XRN1: variants seen among roughly 807,000 people sequenced by gnomAD.
XRN1 encodes 5'-3' exoribonuclease 1.
XRN1 carries 67 observed loss-of-function variants against 222.3 expected under a neutral mutation model. The observed-to-expected ratio is 0.30, with a 90% CI of 0.25 to 0.37. XRN1 has a LOEUF of 0.37. Among genes scored for constraint, XRN1 ranks in the 10% least tolerant of loss-of-function variants. The pLI, the probability that XRN1 is intolerant of heterozygous loss-of-function variation, is 1.00. For synonymous variants in XRN1, 643 were observed against 652.4 expected (o/e 0.99, Z 0.22); for missense variants, 1,707 against 2,000.2 (o/e 0.85, Z 2.80).
At chr3:142,416,720 TG>T (rs2068803029) in intron 13 of XRN1, among the ~76,000 whole-genome samples, 2 of 152,126 alleles carry the variant, frequency 1.3e-5, no homozygotes, top group African/African-American at 4.8e-5. Flanking sequence ...CCTGGTTGTA[TG>T]GAACTTTTAA....
At chr3:142,436,346 G>T (rs1182248456) in intron 1 of XRN1, among the ~76,000 whole-genome samples, 1 of 152,126 alleles carries the variant, frequency 6.6e-6, no homozygotes, top group Non-Finnish European at 1.5e-5. Context: ...GGCTAAATAT[G>T]TATATTCATT....
At chr3:142,433,795 T>C (rs1478324581) in intron 1 of XRN1, among the ~76,000 whole-genome samples, 3 of 152,200 alleles carry the variant, frequency 2.0e-5, no homozygotes, top group South Asian at 2.1e-4. Context: ...ATAAACATAA[T>C]AGAAATCACT....
intron 37 of XRN1, among the ~76,000 whole-genome samples, chr3:142,319,766 CTTTCTG>C (rs1455467674): frequency 6.6e-6 from 1 of 152,092 alleles, no homozygotes; most frequent in East Asian, 1.9e-4. Flanking sequence ...TGATATCTGA[CTTTCTG>C]TTTCTGAATT....
At position 142,319,598 on chromosome 3, in the gene XRN1, C is replaced by G. The variant is rs188384917; in HGVS notation, c.4405-695G>C. 2.0e-5 allele frequency among the ~76,000 whole-genome samples: 3 copies of G among 152,116 alleles called. No homozygotes were observed. The East Asian group carries it at 5.8e-4, about 29-fold the overall frequency. Reference sequence around the variant, plus strand: ...ATACTACATAGTGGTGAAGTATGGACTTTAGTGTACCCATTGCCTGATTAG... The same window carrying G: ...ATACTACATAGTGGTGAAGTATGGAGTTTAGTGTACCCATTGCCTGATTAG... On this transcript the variant is annotated intron_variant, in intron 37 of 40. Transcript: ENST00000392981.
chr3:142,423,516 C>A, intron 6 of XRN1, 44 bp downstream of exon 6: 1 of 1,447,110 alleles, frequency 6.9e-7, no homozygotes, highest in Non-Finnish European at 9.4e-7. Flanking sequence ...AATTACTATC[C>A]AGGCGTAATT....
chr3:142,443,771 T>C (rs762191585), intron 1 of XRN1, among the ~76,000 whole-genome samples: 9 of 152,250 alleles, frequency 5.9e-5, no homozygotes, highest in Non-Finnish European at 1.0e-4. Flanking sequence ...ATCGCAGATA[T>C]CTGCACTCCT....
rs1485929984 is a variant in XRN1 at position 142,426,803 on chromosome 3, A to G, written c.347T>C (p.Ile116Thr). ...KEAEDKIKKA[I>T]EKGETLPTEA... ...TGTAGGAAGAGTTTCTCCCTTCTCTATTGCCTTTTTAATTTTGTCTTCTGC... is the reference window on the plus strand; with the variant it reads ...TGTAGGAAGAGTTTCTCCCTTCTCTGTTGCCTTTTTAATTTTGTCTTCTGC... Residue 116 changes from isoleucine to threonine, a missense_variant, in exon 3 of 41, where the codon ATA (isoleucine) becomes ACA (threonine). Around this residue, in one of 2 missense-constraint regions of XRN1, gnomAD observed 1,234 missense variants for 1,518.2 expected, o/e 0.81. Transcript: ENST00000392981. 2.5e-6 allele frequency: 4 copies of G among 1,613,706 alleles called. No individual in the cohort carries two copies. The highest frequency in any genetic ancestry group is 3.4e-6 in the Non-Finnish European group (4 of 1,179,920).
At chr3:142,323,793 A>G (rs1183013933) in intron 37 of XRN1, among the ~76,000 whole-genome samples, 1 of 151,992 alleles carries the variant, frequency 6.6e-6, no homozygotes, top group African/African-American at 2.4e-5. Context: ...ATGACACCCC[A>G]TCTCTTTAAA....
At chr3:142,332,630 C>G in intron 35 of XRN1, 96 bp from the exon 36 acceptor site, 1 of 1,182,534 alleles carries the variant, frequency 8.5e-7, no homozygotes, top group Non-Finnish European at 1.1e-6. Context: ...GGAAAGAATT[C>G]CATTGTTAAC....
chr3:142,397,557 T>C (rs779043545), intron 19 of XRN1, 97 bp from the exon 20 acceptor site: 31 of 1,040,082 alleles, frequency 3.0e-5, no homozygotes, highest in Non-Finnish European at 3.6e-5. Flanking sequence ...TTTTTTCACA[T>C]GGTATACTAG....
chr3:142,344,667 G>A (rs922614879), intron 33 of XRN1, among the ~76,000 whole-genome samples: 3 of 151,972 alleles, frequency 2.0e-5, no homozygotes, highest in Non-Finnish European at 2.9e-5. Flanking sequence ...ATGAAAAAGA[G>A]TAAAATATTT....
chr3:142,389,395 G>A (rs1259051294), intron 20 of XRN1, among the ~76,000 whole-genome samples: 3 of 152,030 alleles, frequency 2.0e-5, no homozygotes, highest in South Asian at 2.1e-4. Flanking sequence ...TAGGAGGGTC[G>A]GAATCAACTT....
At position 142,348,628 on chromosome 3, in the gene XRN1, T is replaced by C. The variant is rs112999207; in HGVS notation, c.3769-1286A>G. Among the ~76,000 whole-genome samples the C allele has an allele frequency of 5.1e-3, 778 of 152,240 alleles. 9 individuals carry two copies. The highest frequency in any genetic ancestry group is 0.018 in the African/African-American group (756 of 41,540). The stretch of plus-strand genomic sequence containing the variant: ...TTTCACCGTTTTGCTTTTGGTAGGC[T>C]CTATTTACTTTCTTATCAGCACAGA... On this transcript the variant is annotated intron_variant, in intron 32 of 40. Coordinates refer to ENST00000392981, the MANE Select transcript of XRN1 (RefSeq NM_001282857.2).
Position 142,443,180 on chromosome 3 carries a change from C to T in XRN1, c.75+4690G>A, listed in dbSNP as rs533891853. ...CCCTGGACCGGCCTGTTAGCCCATG[C>T]GCTGATGTTAATGACATCAAAGGCA... On this transcript the variant is annotated intron_variant, in intron 1 of 40. Coordinates refer to ENST00000392981, the MANE Select transcript of XRN1 (RefSeq NM_001282857.2). Among the ~76,000 whole-genome samples the T allele has an allele frequency of 4.6e-5, 7 of 152,286 alleles. No homozygotes were observed. The East Asian group carries it at 9.6e-4, about 21-fold the overall frequency.
chr3:142,350,143 T>C (rs1577267330), intron 32 of XRN1, among the ~76,000 whole-genome samples: 2 of 152,244 alleles, frequency 1.3e-5, no homozygotes, highest in South Asian at 2.1e-4. Flanking sequence ...AGACATTAGT[T>C]TGAGGAGTTG....
At chr3:142,333,953 G>A (rs1322130853) in intron 34 of XRN1, among the ~76,000 whole-genome samples, 1 of 152,148 alleles carries the variant, frequency 6.6e-6, no homozygotes, top group East Asian at 1.9e-4. Flanking sequence ...TTCCAGAGCT[G>A]TGAGAAATAA....
chr3:142,379,139 T>C (rs905772587), intron 23 of XRN1, among the ~76,000 whole-genome samples: 19 of 149,606 alleles, frequency 1.3e-4, no homozygotes, highest in Non-Finnish European at 1.2e-4. Context: ...GGCATGGTGG[T>C]GGGTGCCTGT....
Position 142,415,723 on chromosome 3 carries a change from A to T in XRN1, c.1436+1417T>A, listed in dbSNP as rs910532766. On this transcript the variant is annotated intron_variant, in intron 13 of 40. Coordinates refer to ENST00000392981, the MANE Select transcript of XRN1 (RefSeq NM_001282857.2). ...TTATGTAGTAAGTGAAACCATAATT[A>T]ATGTCACATTATTTTGCACTGGTTT... Among the ~76,000 whole-genome samples the T allele has an allele frequency of 1.3e-3, 191 of 152,350 alleles. 1 individual carries two copies. Among genetic ancestry groups the T allele is most frequent in the Non-Finnish European group, 2.4e-3 (166 of 68,034 alleles).
At chr3:142,335,288 A>C (rs2065821694) in intron 34 of XRN1, among the ~76,000 whole-genome samples, 160 bp downstream of exon 34, 2 of 152,136 alleles carry the variant, frequency 1.3e-5, no homozygotes, top group South Asian at 2.1e-4. Flanking sequence ...TTAGGTGTAC[A>C]ACCTCCCATC....
Sources: allele counts gnomAD v4.1 joint callset (sites outside exome capture counted in the v4.1 genomes callset), GRCh38; gene constraint gnomAD v4.1.1; regional missense constraint gnomAD v4.1.1; transcripts MANE v1.5; gene names NCBI Gene and HGNC (gene_info 2026-07-23, HGNC 2026-07-21).